The following SHISA9 variants were observed in gnomAD, a reference collection of about 807,000 sequenced individuals.
The protein encoded by SHISA9 is shisa family member 9, also known as protein shisa-9.
SHISA9 carries 13 observed loss-of-function variants against 38.0 expected under a neutral mutation model. That is an observed-to-expected ratio of 0.34 (90% CI 0.22 to 0.54). The LOEUF is 0.54. Among genes scored for constraint, SHISA9 ranks in the 20% least tolerant of loss-of-function variants. SHISA9 has a pLI of 0.91. For missense variants in SHISA9, 538 were observed against 575.8 expected (o/e 0.93, Z 0.67); for synonymous variants, 275 against 242.0 (o/e 1.14, Z -1.27).
the SHISA9 span, among the ~76,000 whole-genome samples, chr16:13,390,768 C>T: frequency 6.6e-6 from 1 of 152,156 alleles, no homozygotes; most frequent in Non-Finnish European, 1.5e-5. Flanking sequence ...GGTGACACCA[C>T]AAAATGGAAA....
chr16:13,058,267 G>C (rs916362097), intron 2 of SHISA9, among the ~76,000 whole-genome samples: 1 of 152,212 alleles, frequency 6.6e-6, no homozygotes, highest in East Asian at 1.9e-4. Flanking sequence ...CAGGTTCCCA[G>C]GACTAGTTCT....
the SHISA9 span, among the ~76,000 whole-genome samples, chr16:13,328,187 T>G: frequency 2.1e-3 from 314 of 152,244 alleles, 1 homozygote; most frequent in Non-Finnish European, 3.7e-3. Context: ...CTAGCCCCTG[T>G]GCACTTCTAC....
At chr16:13,507,121 T>G in the SHISA9 span, among the ~76,000 whole-genome samples, 1 of 152,026 alleles carries the variant, frequency 6.6e-6, no homozygotes, top group African/African-American at 2.4e-5. Flanking sequence ...TGTTTCACAC[T>G]TACATTTCAG....
intron 2 of SHISA9, among the ~76,000 whole-genome samples, chr16:13,010,117 G>T (rs1484686343): frequency 6.6e-6 from 1 of 152,134 alleles, no homozygotes; most frequent in Non-Finnish European, 1.5e-5. Context: ...GGTTGAGACT[G>T]CAGTGACCTA....
chr16:12,993,423 C>G (rs1454412130), intron 2 of SHISA9, among the ~76,000 whole-genome samples: 2 of 152,126 alleles, frequency 1.3e-5, no homozygotes, highest in African/African-American at 4.8e-5. Context: ...AGTGGCGTGA[C>G]TTTAGGTGCA....
At chr16:13,097,820 C>A (rs756623915) in intron 2 of SHISA9, among the ~76,000 whole-genome samples, 20 of 152,120 alleles carry the variant, frequency 1.3e-4, no homozygotes, top group Non-Finnish European at 2.4e-4. Context: ...GAAGTAAGTA[C>A]AGTAAAATGT....
the SHISA9 span, among the ~76,000 whole-genome samples, chr16:13,251,257 G>A: frequency 1.3e-5 from 2 of 152,098 alleles, no homozygotes; most frequent in African/African-American, 4.8e-5. Context: ...TATTCCAGGG[G>A]ACACTTCAGC....
the SHISA9 span, among the ~76,000 whole-genome samples, chr16:13,422,606 G>T: frequency 1.3e-5 from 2 of 152,212 alleles, no homozygotes; most frequent in South Asian, 4.1e-4. Flanking sequence ...TGAGGCAGGA[G>T]CATTGCTTGA....
chr16:13,357,246 G>C, the SHISA9 span, among the ~76,000 whole-genome samples: 2 of 152,204 alleles, frequency 1.3e-5, no homozygotes, highest in African/African-American at 4.8e-5. Flanking sequence ...GGTGAAGTCC[G>C]TGACCGGCGC....
At chr16:12,943,308 TGTGTGTGTGTGTGTGTGTGTGTGA>T (rs2071638027) in intron 2 of SHISA9, among the ~76,000 whole-genome samples, 1 of 79,648 alleles carries the variant, frequency 1.3e-5, no homozygotes, top group African/African-American at 5.0e-5. Flanking sequence ...TGTGTGTGTG[TGTGTGTGTGTGTGTGTGTGTGTGA>T]GAGAGAGAGA....
the SHISA9 span, among the ~76,000 whole-genome samples, chr16:13,413,950 C>T: frequency 6.6e-6 from 1 of 152,130 alleles, no homozygotes; most frequent in Non-Finnish European, 1.5e-5. Flanking sequence ...ACTCATCCTG[C>T]AACCGTAGCA....
chr16:13,448,456 T>G, the SHISA9 span, among the ~76,000 whole-genome samples: 2 of 152,214 alleles, frequency 1.3e-5, no homozygotes, highest in African/African-American at 4.8e-5. Flanking sequence ...CCTCTCAAGC[T>G]GCACAAGTCA....
chr16:13,448,430 A>G, the SHISA9 span, among the ~76,000 whole-genome samples: 12 of 152,274 alleles, frequency 7.9e-5, no homozygotes, highest in East Asian at 7.7e-4. Context: ...TGCTGCCCCA[A>G]TCATCACAAA....
At chr16:13,450,219 T>C in the SHISA9 span, among the ~76,000 whole-genome samples, 5 of 152,212 alleles carry the variant, frequency 3.3e-5, no homozygotes, top group African/African-American at 9.7e-5. Flanking sequence ...TTTCCTTTAG[T>C]TTTTTGCATC....
intron 2 of SHISA9, among the ~76,000 whole-genome samples, chr16:13,008,437 TC>T (rs1271500560): frequency 1.3e-5 from 2 of 152,120 alleles, no homozygotes; most frequent in African/African-American, 4.8e-5. Context: ...TGGCCCTGTG[TC>T]CCCAGGCAGA....
the SHISA9 span, among the ~76,000 whole-genome samples, chr16:13,548,965 T>A: frequency 6.6e-6 from 1 of 152,144 alleles, no homozygotes; most frequent in African/African-American, 2.4e-5. Context: ...TCAACCTGTA[T>A]CCCACAGTGA....
chr16:13,410,015 T>C, the SHISA9 span, among the ~76,000 whole-genome samples: 1 of 152,202 alleles, frequency 6.6e-6, no homozygotes, highest in South Asian at 2.1e-4. Context: ...CCTTGAAATA[T>C]GGTGGCAATG....
the SHISA9 span, among the ~76,000 whole-genome samples, chr16:13,388,253 T>C: frequency 6.6e-6 from 1 of 151,568 alleles, no homozygotes; most frequent in Non-Finnish European, 1.5e-5. Context: ...TTTTCATGCC[T>C]CTAGCAAACT....
intron 2 of SHISA9, among the ~76,000 whole-genome samples, chr16:13,111,284 C>A (rs561221853): frequency 2.7e-5 from 4 of 149,858 alleles, no homozygotes; most frequent in Admixed American, 6.6e-5. Context: ...AAAATTTTTG[C>A]AATCTATCCA....
Sources: allele counts gnomAD v4.1 joint callset (sites outside exome capture counted in the v4.1 genomes callset), GRCh38; gene constraint gnomAD v4.1.1; transcripts MANE v1.5; gene names NCBI Gene and HGNC (gene_info 2026-07-23, HGNC 2026-07-21).